CKS2: variants seen among roughly 807,000 people sequenced by gnomAD.
CKS2 encodes cyclin-dependent kinases regulatory subunit 2.
CKS2 carries 4 observed loss-of-function variants against 14.3 expected under a neutral mutation model. The ratio of observed to expected loss-of-function variants is 0.28; its 90% CI spans 0.14 to 0.64. CKS2 has a LOEUF of 0.64. Among genes scored for constraint, CKS2 ranks in the 30% least tolerant of loss-of-function variants. CKS2 has a pLI of 0.83. For synonymous variants in CKS2, 33 were observed against 28.7 expected (o/e 1.15, Z -0.48); for missense variants, 71 against 94.3 (o/e 0.75, Z 1.02).
intron 1 of CKS2, 98 bp downstream of exon 1, chr9:89,311,449 C>T: frequency 1.2e-6 from 1 of 862,246 alleles, no homozygotes; most frequent in Non-Finnish European, 1.7e-6. Context: ...GGGGCCGGGG[C>T]CTGGGGGGCG....
At position 89,311,226 on chromosome 9, in the gene CKS2, G is replaced by T. The variant is rs1157606127; in HGVS notation, c.-67G>T. ...CTCCGGCGAGTTGTTGCCTGGGCTG[G>T]ACGTGGTTTTGTCTGCTGCGCCCGC... On this transcript the variant is annotated 5_prime_UTR_variant, in exon 1 of 3. Coordinates refer to ENST00000314355, the MANE Select transcript of CKS2 (RefSeq NM_001827.3). 6.7e-6 allele frequency: 9 copies of T among 1,346,886 alleles called. No individual in the cohort carries two copies. Among genetic ancestry groups the T allele is most frequent in the East Asian group, 4.8e-5 (2 of 41,728 alleles). 83.4% of individuals were successfully genotyped at this position (1,346,886 alleles called of 1,614,324 possible).
At chr9:89,315,108 A>T in intron 1 of CKS2, 62 bp from the exon 2 acceptor site, 1 of 1,457,480 alleles carries the variant, frequency 6.9e-7, no homozygotes, top group Non-Finnish European at 9.2e-7. Flanking sequence ...CTTAAGGTAC[A>T]TGTATAAAGC....
rs893934113 is a variant in CKS2, at chr9:89,311,219, T to C, written c.-74T>C. On this transcript the variant is annotated 5_prime_UTR_variant, in exon 1 of 3. Transcript: ENST00000314355. The stretch of plus-strand genomic sequence containing the variant: ...CGTTAGTCTCCGGCGAGTTGTTGCC[T>C]GGGCTGGACGTGGTTTTGTCTGCTG... 15 of 1,275,124 alleles carry C rather than the reference T, an allele frequency of 1.2e-5. No individual in the cohort carries two copies. The highest frequency in any genetic ancestry group is 1.0e-4 in the African/African-American group (7 of 67,286). The allele number at this position is 1,275,124 out of a possible 1,614,324, so 79.0% of individuals were successfully genotyped here.
intron 1 of CKS2, among the ~76,000 whole-genome samples, chr9:89,311,634 C>T (rs1239661350): frequency 1.3e-5 from 2 of 152,190 alleles, no homozygotes; most frequent in Admixed American, 6.5e-5. Flanking sequence ...TGGGTAGGAA[C>T]CGGCGCAACT....
intron 2 of CKS2, 126 bp from the exon 3 acceptor site, chr9:89,316,247 G>T: frequency 3.2e-6 from 2 of 625,394 alleles, no homozygotes; most frequent in African/African-American, 1.9e-5. Context: ...AATCATTTTG[G>T]ATACCTCAAA....
chr9:89,315,157 T>C lies in CKS2; in HGVS notation c.60-13T>C, dbSNP rs760717317. The C allele has an allele frequency of 4.4e-6, 7 of 1,601,868 alleles. No individual in the cohort carries two copies. The highest frequency in any genetic ancestry group is 6.0e-6 in the Non-Finnish European group (7 of 1,174,338). On this transcript the variant is annotated splice_polypyrimidine_tract_variant and intron_variant, in intron 1 of 2. Transcript: ENST00000314355. ...AAGGCACTGGACTAACACTTGGCTG[T>C]ATCTTGTAACAGGCATGTTATGTTA... is the stretch of plus-strand genomic sequence containing the variant.
chr9:89,312,866 G>T (rs1362436628), intron 1 of CKS2, among the ~76,000 whole-genome samples: 2 of 152,192 alleles, frequency 1.3e-5, no homozygotes, highest in African/African-American at 4.8e-5. Flanking sequence ...CTGGTGCCAA[G>T]TGTTTAGGAT....
In CKS2 at chr9:89,316,679, C is replaced by G. The variant is rs1439770934; in HGVS notation, c.*254C>G. 8 of 356,034 alleles carry G rather than the reference C, an allele frequency of 2.2e-5. No homozygotes were observed. Among genetic ancestry groups the G allele is most frequent in the Non-Finnish European group, 3.5e-5 (7 of 197,494 alleles). 22.1% of individuals were successfully genotyped at this position (356,034 alleles called of 1,614,324 possible). A position where few individuals can be genotyped will look rare whatever the true frequency, so the allele number is the denominator to read the frequency against. On this transcript the variant is annotated 3_prime_UTR_variant, in exon 3 of 3. Coordinates refer to ENST00000314355, the MANE Select transcript of CKS2 (RefSeq NM_001827.3). ...TTTACTGAAACAGTTTACTTTTGTTCAATAAAGTTTGTATGTTGCATTTAT... is the reference window on the plus strand; with the variant it reads ...TTTACTGAAACAGTTTACTTTTGTTGAATAAAGTTTGTATGTTGCATTTAT...
intron 1 of CKS2, among the ~76,000 whole-genome samples, chr9:89,311,591 G>A (rs1405578096): frequency 2.0e-5 from 3 of 152,226 alleles, no homozygotes; most frequent in Non-Finnish European, 4.4e-5. Context: ...CGGAGGGTGA[G>A]GGAAGAGTGC....
intron 2 of CKS2, among the ~76,000 whole-genome samples, chr9:89,315,777 GT>G (rs1359239008): frequency 6.6e-6 from 1 of 152,144 alleles, no homozygotes; most frequent in Non-Finnish European, 1.5e-5. Context: ...TTAACCAAAA[GT>G]TTTTCAGGTG....
chr9:89,315,416 G>GT (rs549012531), intron 2 of CKS2, 119 bp downstream of exon 2: 65,998 of 659,184 alleles, frequency 0.1, no homozygotes, highest in East Asian at 0.15. Context: ...GTTCTGATAA[G>GT]TTTTTTTTTT....
chr9:89,311,434 G>A, intron 1 of CKS2, 83 bp downstream of exon 1: 1 of 1,099,478 alleles, frequency 9.1e-7, no homozygotes, highest in Non-Finnish European at 1.3e-6. Context: ...GTAGGGTCGG[G>A]GGTGGGGGCC....
intron 1 of CKS2, among the ~76,000 whole-genome samples, chr9:89,312,658 G>T (rs1411955923): frequency 6.6e-6 from 1 of 152,130 alleles, no homozygotes; most frequent in Non-Finnish European, 1.5e-5. Flanking sequence ...TAGAAAAATA[G>T]CATGTTTTTC....
In CKS2 at chr9:89,311,211, T is replaced by G; in HGVS notation, c.-82T>G. The G allele has an allele frequency of 7.8e-6, 9 of 1,157,986 alleles. No individual in the cohort carries two copies. The highest frequency in any genetic ancestry group is 1.1e-5 in the Non-Finnish European group (9 of 783,692). The allele number at this position is 1,157,986 out of a possible 1,614,324, so 71.7% of individuals were successfully genotyped here. A position where few individuals can be genotyped will look rare whatever the true frequency, so the allele number is the denominator to read the frequency against. ...ACTGCGGTCGTTAGTCTCCGGCGAG[T>G]TGTTGCCTGGGCTGGACGTGGTTTT... On this transcript the variant is annotated 5_prime_UTR_variant, in exon 1 of 3. Coordinates refer to ENST00000314355, the MANE Select transcript of CKS2 (RefSeq NM_001827.3).
At chr9:89,315,416 G>GTTT in intron 2 of CKS2, 119 bp downstream of exon 2, 21 of 682,262 alleles carry the variant, frequency 3.1e-5, no homozygotes, top group East Asian at 4.2e-5. Context: ...GTTCTGATAA[G>GTTT]TTTTTTTTTT....
chr9:89,313,337 C>T (rs1564274236), intron 1 of CKS2, among the ~76,000 whole-genome samples: 1 of 152,300 alleles, frequency 6.6e-6, no homozygotes, highest in East Asian at 1.9e-4. Flanking sequence ...CTTAATGTTT[C>T]TAAGGGCATA....
rs1307547335 is a variant in CKS2 at position 89,311,207 on chromosome 9, C to A, written c.-86C>A. 3 of 1,106,190 alleles carry A rather than the reference C, an allele frequency of 2.7e-6. No individual in the cohort carries two copies. In the African/African-American group the frequency reaches 4.7e-5, roughly 17 times the overall value. 68.5% of individuals were successfully genotyped at this position (1,106,190 alleles called of 1,614,324 possible). On this transcript the variant is annotated 5_prime_UTR_variant, in exon 1 of 3. Coordinates refer to ENST00000314355, the MANE Select transcript of CKS2 (RefSeq NM_001827.3). ...TGGGACTGCGGTCGTTAGTCTCCGG[C>A]GAGTTGTTGCCTGGGCTGGACGTGG...
intron 1 of CKS2, 30 bp downstream of exon 1, chr9:89,311,381 C>T (rs769815844): frequency 9.5e-6 from 15 of 1,584,740 alleles, no homozygotes; most frequent in Non-Finnish European, 5.1e-6. Flanking sequence ...CCCGAGCCGG[C>T]TCCCTCAGCC....
intron 1 of CKS2, among the ~76,000 whole-genome samples, chr9:89,314,265 T>C (rs1824669569): frequency 6.6e-6 from 1 of 152,086 alleles, no homozygotes; most frequent in African/African-American, 2.4e-5. Flanking sequence ...GGGAAAGAGA[T>C]TTGTTAGGCA....
Sources: allele counts gnomAD v4.1 joint callset (sites outside exome capture counted in the v4.1 genomes callset), GRCh38; gene constraint gnomAD v4.1.1; transcripts MANE v1.5; gene names NCBI Gene and HGNC (gene_info 2026-07-23, HGNC 2026-07-21).